The following MIS18BP1 variants were observed in gnomAD, a reference collection of about 807,000 sequenced individuals.
The protein encoded by MIS18BP1 is MIS18 binding protein 1, also known as mis18-binding protein 1.
Under a neutral mutation model 116.1 loss-of-function variants are expected in MIS18BP1, and 72 were observed. That is an observed-to-expected ratio of 0.62 (90% confidence interval 0.51 to 0.75). The LOEUF is 0.75. Ranked by LOEUF, MIS18BP1 falls within the 30% of genes least tolerant of loss-of-function variation. The pLI, the probability that MIS18BP1 is intolerant of heterozygous loss-of-function variation, is 0.00. For synonymous variants in MIS18BP1, 386 were observed against 427.0 expected, an observed-to-expected ratio of 0.90 and a Z score of 1.18; for missense variants, 1,363 against 1,303.2, an observed-to-expected ratio of 1.05 and a Z score of -0.71.
chr14:45,214,484 G>C (rs1890760967), intron 13 of MIS18BP1, among the ~76,000 whole-genome samples: 1 of 152,178 alleles, frequency 6.6e-6, no homozygotes, highest in Admixed American at 6.5e-5. Flanking sequence ...TGAGATGGTA[G>C]AGATAATGAT....
At chr14:45,212,057 T>C (rs902320941) in intron 13 of MIS18BP1, among the ~76,000 whole-genome samples, 17 of 152,136 alleles carry the variant, frequency 1.1e-4, no homozygotes, top group African/African-American at 3.9e-4. Context: ...TTTTTTGCAT[T>C]TGTATTTGTG....
At chr14:45,211,585 C>CT (rs1354222314) in intron 13 of MIS18BP1, among the ~76,000 whole-genome samples, 3 of 152,196 alleles carry the variant, frequency 2.0e-5, no homozygotes, top group Non-Finnish European at 4.4e-5. Flanking sequence ...TAATAAAACT[C>CT]TATCACACCT....
At chr14:45,220,045 A>G (rs781376973) in intron 11 of MIS18BP1, among the ~76,000 whole-genome samples, 1 of 151,982 alleles carries the variant, frequency 6.6e-6, no homozygotes, top group African/African-American at 2.4e-5. Context: ...CTCATCTTGT[A>G]CTGCTCTTTG....
chr14:45,227,775 G>A lies in MIS18BP1; in HGVS notation c.1634C>T (p.Thr545Ile), dbSNP rs1891165819. The change falls in exon 9 of 17, where the codon ACA becomes ATA. Residue 545 changes from threonine (T) to isoleucine (I), a missense_variant. Thr to Ile is a moderately conservative substitution (Grantham distance 89). Transcript: ENST00000310806. Reference sequence around the variant, plus strand: ...ATTACTGTGGCACATGTTTAATTCTGTAGCTCCTGGTGACTCACTGTGCTT... The same window carrying A: ...ATTACTGTGGCACATGTTTAATTCTATAGCTCCTGGTGACTCACTGTGCTT... Reference protein sequence around the residue: ...SNKHSESPGATELNMCHSNCQ... With the variant: ...SNKHSESPGAIELNMCHSNCQ... The A allele has an allele frequency of 1.9e-6, 3 of 1,613,974 alleles. No individual in the cohort carries two copies. The highest frequency in any genetic ancestry group is 1.7e-5 in the Admixed American group (1 of 60,020).
At chr14:45,208,474 A>C (rs1238380720) in intron 14 of MIS18BP1, among the ~76,000 whole-genome samples, 1 of 151,902 alleles carries the variant, frequency 6.6e-6, no homozygotes, top group Non-Finnish European at 1.5e-5. Flanking sequence ...CTAGGATTAC[A>C]GACACACACC....
At chr14:45,214,649 C>T (rs1415332720) in intron 13 of MIS18BP1, among the ~76,000 whole-genome samples, 3 of 152,206 alleles carry the variant, frequency 2.0e-5, no homozygotes, top group Admixed American at 6.5e-5. Flanking sequence ...TCCCACCTGT[C>T]GAGAAATGCC....
At chr14:45,243,251 C>T (rs1169325944) in intron 2 of MIS18BP1, among the ~76,000 whole-genome samples, 5 of 152,016 alleles carry the variant, frequency 3.3e-5, no homozygotes, top group Non-Finnish European at 7.4e-5. Flanking sequence ...TTGAAAATTC[C>T]GATTCTGTTT....
intron 1 of MIS18BP1, among the ~76,000 whole-genome samples, chr14:45,252,242 G>A (rs1254698506): frequency 6.6e-6 from 1 of 151,996 alleles, no homozygotes; most frequent in South Asian, 2.1e-4. Flanking sequence ...AAACAACCCA[G>A]ATGTCTACCA....
At chr14:45,229,809 A>C (rs1457105122) in intron 8 of MIS18BP1, among the ~76,000 whole-genome samples, 2 of 152,170 alleles carry the variant, frequency 1.3e-5, no homozygotes, top group Non-Finnish European at 2.9e-5. Context: ...CGAAGCCCCA[A>C]GGTTCCAGCA....
rs1370842171 is a variant in MIS18BP1, at chr14:45,242,171, T to A, written c.1006A>T (p.Met336Leu). ...VPGETGLPGSMKDTCKIVLAT... is the reference protein window; with the variant it reads ...VPGETGLPGSLKDTCKIVLAT... ...AGTACAATTTTACATGTATCTTTCATGGAACCTGGAAGACCTGTCTCTCCA... is the reference window on the plus strand; with the variant it reads ...AGTACAATTTTACATGTATCTTTCAAGGAACCTGGAAGACCTGTCTCTCCA... The change falls in exon 4 of 17, where the codon ATG becomes TTG. Residue 336 changes from methionine (M) to leucine (L), a missense_variant. Coordinates refer to ENST00000310806, the MANE Select transcript of MIS18BP1 (RefSeq NM_018353.5). 6.2e-7 allele frequency: 1 copy of A among 1,614,146 alleles called. No homozygotes were observed. Among genetic ancestry groups the A allele is most frequent in the Non-Finnish European group, 8.5e-7 (1 of 1,180,012 alleles).
chr14:45,205,187 T>G (rs1890480900), intron 15 of MIS18BP1, among the ~76,000 whole-genome samples: 1 of 152,170 alleles, frequency 6.6e-6, no homozygotes, highest in South Asian at 2.1e-4. Flanking sequence ...GACTGTGATA[T>G]AAATGTATTT....
intron 2 of MIS18BP1, 129 bp downstream of exon 2, chr14:45,246,614 A>G (rs1891727643): frequency 1.5e-6 from 1 of 668,552 alleles, no homozygotes; most frequent in Non-Finnish European, 2.3e-6. Flanking sequence ...CACCATGTGA[A>G]TATGAGCTAC....
chr14:45,227,301 G>A (rs1566811983), intron 9 of MIS18BP1, among the ~76,000 whole-genome samples: 1 of 152,096 alleles, frequency 6.6e-6, no homozygotes, highest in Non-Finnish European at 1.5e-5. Context: ...AAGGTCAGGA[G>A]TTCGAGACCA....
intron 4 of MIS18BP1, among the ~76,000 whole-genome samples, chr14:45,239,855 G>A (rs1463133154): frequency 2.0e-5 from 3 of 152,140 alleles, no homozygotes; most frequent in Non-Finnish European, 2.9e-5. Context: ...ATTTCTTCAT[G>A]GTTTGGATGT....
In MIS18BP1 at chr14:45,204,387, TAAGTGTATTACCTGTGTTA is replaced by T. The variant is rs1890453484; in HGVS notation, c.3288_3295+11del. 6.3e-7 allele frequency: 1 copy of T among 1,599,202 alleles called. No individual in the cohort carries two copies. Among genetic ancestry groups the T allele is most frequent in the Non-Finnish European group, 8.5e-7 (1 of 1,174,520 alleles). On this transcript the variant is annotated splice_donor_variant and splice_donor_5th_base_variant and coding_sequence_variant and intron_variant, in exon 16 of 17. Transcript: ENST00000310806. LOFTEE classifies it high-confidence loss of function. ...AGAACTGAGCCACAAAAGAAAGCTGTAAGTGTATTACCTGTGTTAAATGGGGTTTTCCTTCTTGGTGTTG... is the reference window on the plus strand; with the variant it reads ...AGAACTGAGCCACAAAAGAAAGCTGTAATGGGGTTTTCCTTCTTGGTGTTG...
At chr14:45,231,111 T>C in intron 8 of MIS18BP1, 30 bp downstream of exon 8, 1 of 1,605,924 alleles carries the variant, frequency 6.2e-7, no homozygotes, top group Non-Finnish European at 8.5e-7. Context: ...TTAACCACTG[T>C]ACCAACAGAG....
Position 45,224,597 on chromosome 14 carries a change from T to G in MIS18BP1, c.1990A>C (p.Arg664=). 6.2e-7 allele frequency: 1 copy of G among 1,613,888 alleles called. No homozygotes were observed. The highest frequency in any genetic ancestry group is 8.5e-7 in the Non-Finnish European group (1 of 1,179,918). ...GCGGACAGATTATACCTCATGCATC[T>G]TTGCTCTATCACTTTTCTAGATTTA... is the stretch of plus-strand genomic sequence containing the variant. ...PLKSRKVIEQ[R]CMRYNLSAGT... is the part of the protein sequence containing the mutation. The change falls in exon 11 of 17, where the codon AGA becomes CGA. Residue 664 remains arginine, a synonymous_variant. Coordinates refer to ENST00000310806, the MANE Select transcript of MIS18BP1 (RefSeq NM_018353.5).
intron 14 of MIS18BP1, among the ~76,000 whole-genome samples, chr14:45,207,824 G>A (rs750073752): frequency 6.6e-6 from 1 of 152,180 alleles, no homozygotes; most frequent in East Asian, 1.9e-4. Context: ...TAAAGTCAGA[G>A]AGAGTGAAGA....
intron 13 of MIS18BP1, among the ~76,000 whole-genome samples, chr14:45,212,902 TGCTTCAA>T (rs1890714185): frequency 6.6e-6 from 1 of 152,198 alleles, no homozygotes; most frequent in African/African-American, 2.4e-5. Flanking sequence ...AGTTAAACCA[TGCTTCAA>T]GTCACCTGCT....
Sources: gnomAD v4.1 joint callset for allele counts (sites outside exome capture counted in the v4.1 genomes callset) on GRCh38, gnomAD v4.1.1 for gene constraint, MANE v1.5 for transcripts, NCBI Gene and HGNC (gene_info 2026-07-23, HGNC 2026-07-21) for gene names.